TRAPPC10: variants seen among roughly 807,000 people sequenced by gnomAD.
TRAPPC10 encodes trafficking protein particle complex subunit 10, also known as TRAPP 130 kDa subunit.
TRAPPC10 carries 23 observed loss-of-function variants against 125.5 expected under a neutral mutation model. That is an observed-to-expected ratio of 0.18 (90% CI 0.13 to 0.26). The LOEUF (loss-of-function observed/expected upper bound fraction) is 0.26, where lower values mean the gene tolerates loss of function less well. Ranked by LOEUF, TRAPPC10 falls within the 10% of genes least tolerant of loss-of-function variation. The probability of loss-of-function intolerance (pLI) is 1.00; values close to 1 mark genes in which losing one functional copy is unlikely to be tolerated. For missense variants in TRAPPC10, 1,123 were observed against 1,308.4 expected (o/e 0.86, Z 2.19); for synonymous variants, 509 against 518.0 (o/e 0.98, Z 0.24).
intron 1 of TRAPPC10, among the ~76,000 whole-genome samples, chr21:44,025,488 C>G (rs1405620364): frequency 6.6e-6 from 1 of 152,178 alleles, no homozygotes; most frequent in Non-Finnish European, 1.5e-5. Flanking sequence ...TTCTTATATT[C>G]AGATGCATTT....
chr21:44,089,233 G>A (rs138887768), intron 17 of TRAPPC10: 2 of 323,864 alleles, frequency 6.2e-6, no homozygotes, highest in Middle Eastern at 1.1e-3. Context: ...TGGCACTGGC[G>A]GCACGCACGC....
intron 9 of TRAPPC10, among the ~76,000 whole-genome samples, chr21:44,076,285 A>G (rs2037272198): frequency 6.6e-6 from 1 of 152,252 alleles, no homozygotes; most frequent in African/African-American, 2.4e-5. Flanking sequence ...AATTTAATTC[A>G]TCGGAGTATT....
Position 44,087,988 on chromosome 21 carries a change from G to A in TRAPPC10, c.2769+60G>A. The A allele has an allele frequency of 5.5e-6, 8 of 1,459,478 alleles. No homozygotes were observed. In the South Asian group the frequency reaches 8.4e-5, roughly 15 times the overall value. The allele number at this position is 1,459,478 out of a possible 1,614,324, so 90.4% of individuals were successfully genotyped here. On this transcript the variant is annotated intron_variant, in intron 17 of 22. Coordinates refer to ENST00000291574, the MANE Select transcript of TRAPPC10 (RefSeq NM_003274.5). The surrounding 1 kb of genome is among the most constrained non-coding windows in gnomAD (Gnocchi z 4.6). ...GGCGTCCGCCGCCCGCCTGCCTGCT[G>A]GGAAAGGCGATGTAGCGATGCCTGC...
At chr21:44,045,901 A>T (rs528718040) in intron 3 of TRAPPC10, among the ~76,000 whole-genome samples, 1 of 151,564 alleles carries the variant, frequency 6.6e-6, no homozygotes, top group East Asian at 1.9e-4. Context: ...TGATTATGGT[A>T]TGCTTTGGTG....
chr21:44,045,684 T>G (rs1374390920), intron 3 of TRAPPC10, among the ~76,000 whole-genome samples: 1 of 152,052 alleles, frequency 6.6e-6, no homozygotes, highest in Non-Finnish European at 1.5e-5. Flanking sequence ...CCTGAGTAGC[T>G]GGGATTATAG....
chr21:44,079,820 T>C (rs570768837), intron 12 of TRAPPC10, 116 bp downstream of exon 12: 37 of 1,183,638 alleles, frequency 3.1e-5, no homozygotes, highest in East Asian at 5.1e-5. Context: ...TCCTAACTTA[T>C]ACATATGTAT....
chr21:44,101,153 T>TCAA lies in TRAPPC10; in HGVS notation c.3347-1606_3347-1604dup, dbSNP rs566385787. Among the ~76,000 whole-genome samples, 111 of 71,828 alleles carry TCAA rather than the reference T, an allele frequency of 1.5e-3. 29 individuals are homozygous for TCAA. The highest frequency in any genetic ancestry group is 0.01 in the South Asian group (28 of 2,670). The allele number at this position is 71,828 out of a possible 152,430, so 47.1% of individuals were successfully genotyped here. A position where few individuals can be genotyped will look rare whatever the true frequency, so the allele number is the denominator to read the frequency against. ...CCTGGGCAACGAGCAAAACTCCGCC[T>TCAA]CAACAACAACAACAACAACAAAACA... On this transcript the variant is annotated intron_variant, in intron 21 of 22. Coordinates refer to ENST00000291574, the MANE Select transcript of TRAPPC10 (RefSeq NM_003274.5).
At chr21:44,033,006 G>A (rs1423296258) in intron 2 of TRAPPC10, among the ~76,000 whole-genome samples, 1 of 152,214 alleles carries the variant, frequency 6.6e-6, no homozygotes, top group Non-Finnish European at 1.5e-5. Flanking sequence ...TCTGTTGCAT[G>A]TTTACAGTTA....
chr21:44,058,973 T>TA, intron 5 of TRAPPC10, 130 bp from the exon 6 acceptor site: 1 of 609,320 alleles, frequency 1.6e-6, no homozygotes, highest in South Asian at 2.4e-5. Flanking sequence ...CATTGGTTGT[T>TA]ACTTAGCGGA....
intron 2 of TRAPPC10, among the ~76,000 whole-genome samples, chr21:44,034,054 A>G (rs1159988842): frequency 2.6e-5 from 4 of 152,226 alleles, no homozygotes; most frequent in Admixed American, 6.5e-5. Context: ...AGAAAGGAGG[A>G]GGCAGCGGAG....
chr21:44,080,055 C>T lies in TRAPPC10; in HGVS notation c.1651C>T (p.Leu551Phe), dbSNP rs777172825. The change falls in exon 13 of 23, where the codon CTC (leucine) becomes TTC (phenylalanine). Residue 551 changes from leucine to phenylalanine, a missense_variant. Leu to Phe is a conservative substitution (Grantham distance 22). This residue lies in a region of TRAPPC10 where 840 missense variants were observed against 902.0 expected (regional missense o/e 0.93). Transcript: ENST00000291574. The stretch of plus-strand genomic sequence containing the variant: ...CAGCCTCTTAGCCAGTGACCACCAC[C>T]TCACTGAAGAGGAGCGCAAGCACTT... The part of the protein sequence containing the change: ...TSSLLASDHH[L>F]TEEERKHFCQ... The T allele has an allele frequency of 1.9e-6, 3 of 1,614,194 alleles. No homozygotes were observed. Among genetic ancestry groups the T allele is most frequent in the Non-Finnish European group, 2.5e-6 (3 of 1,180,038 alleles).
At chr21:44,052,654 G>T (rs2035302246) in intron 4 of TRAPPC10, among the ~76,000 whole-genome samples, 178 bp downstream of exon 4, 1 of 152,090 alleles carries the variant, frequency 6.6e-6, no homozygotes, top group African/African-American at 2.4e-5. Context: ...CAAAGAACTC[G>T]AAGCAGTCAT....
rs753722351 is a variant in TRAPPC10, at chr21:44,063,715, G to T, written c.968G>T (p.Arg323Met). ...RQCTLLLFLQRPWEVAQRALE... is the reference protein window; with the variant it reads ...RQCTLLLFLQMPWEVAQRALE... Reference sequence around the variant, plus strand: ...TGCACCTTGCTGCTCTTCCTGCAGAGGCCGTGGGAGGTGGCCCAGCGCGCC... The same window carrying T: ...TGCACCTTGCTGCTCTTCCTGCAGATGCCGTGGGAGGTGGCCCAGCGCGCC... Residue 323 changes from arginine to methionine, a missense_variant, in exon 7 of 23, where the codon AGG becomes ATG. By Grantham distance (91) the Arg-to-Met change is moderately conservative. Around this residue, in one of 4 missense-constraint regions of TRAPPC10, gnomAD observed 91 missense variants for 127.1 expected, o/e 0.72. Coordinates refer to ENST00000291574, the MANE Select transcript of TRAPPC10 (RefSeq NM_003274.5). This position sits in a 1 kb window ranked among gnomAD's most constrained non-coding sequence, Gnocchi z 4.4. 3 of 1,614,192 alleles carry T rather than the reference G, an allele frequency of 1.9e-6. No homozygotes were observed. The East Asian group carries it at 6.7e-5, about 36-fold the overall frequency.
At chr21:44,047,870 T>C (rs1158888678) in intron 3 of TRAPPC10, among the ~76,000 whole-genome samples, 1 of 152,220 alleles carries the variant, frequency 6.6e-6, no homozygotes, top group Non-Finnish European at 1.5e-5. Context: ...GTGACAGTAG[T>C]TACTGTAACT....
At chr21:44,089,611 A>T (rs926955743) in intron 17 of TRAPPC10, 13 of 570,312 alleles carry the variant, frequency 2.3e-5, no homozygotes, top group African/African-American at 2.2e-4. Flanking sequence ...ATGTCTTGCC[A>T]GTTCTGCGTT....
intron 2 of TRAPPC10, among the ~76,000 whole-genome samples, chr21:44,036,245 A>T (rs1372348638): frequency 6.6e-6 from 1 of 152,218 alleles, no homozygotes; most frequent in Admixed American, 6.5e-5. Flanking sequence ...TTTCTAACAG[A>T]ACCATTTACA....
intron 4 of TRAPPC10, 58 bp from the exon 5 acceptor site, chr21:44,055,640 G>C: frequency 1.5e-6 from 2 of 1,345,534 alleles, no homozygotes; most frequent in East Asian, 4.7e-5. Flanking sequence ...GGCAGCTGCT[G>C]AGTCGTGGTG....
At chr21:44,026,555 C>T (rs1305118095) in intron 1 of TRAPPC10, among the ~76,000 whole-genome samples, 1 of 152,140 alleles carries the variant, frequency 6.6e-6, no homozygotes, top group Non-Finnish European at 1.5e-5. Flanking sequence ...CTCTCTAATC[C>T]CGTGTTTTCA....
intron 1 of TRAPPC10, among the ~76,000 whole-genome samples, chr21:44,018,251 A>C (rs1229226811): frequency 6.6e-6 from 1 of 152,138 alleles, no homozygotes; most frequent in Admixed American, 6.5e-5. Context: ...ATGAAAATAA[A>C]AAAGTTAGCC....
Sources: gnomAD v4.1 joint callset for allele counts (sites outside exome capture counted in the v4.1 genomes callset) on GRCh38, gnomAD v4.1.1 for gene constraint, gnomAD v4.1.1 regional missense constraint, Gnocchi (gnomAD v3.1) non-coding constraint, MANE v1.5 for transcripts, NCBI Gene and HGNC (gene_info 2026-07-23, HGNC 2026-07-21) for gene names.